RNFT2: variants seen among roughly 807,000 people sequenced by gnomAD.
The protein encoded by RNFT2 is E3 ubiquitin-protein ligase RNFT2.
A neutral mutation model predicts 53.0 loss-of-function variants in RNFT2; 36 were observed. That is an observed-to-expected ratio of 0.68 (90% CI 0.52 to 0.90). RNFT2 has a LOEUF of 0.90. Ranked by LOEUF, RNFT2 falls within the 40% of genes least tolerant of loss-of-function variation. The pLI, the probability that RNFT2 is intolerant of heterozygous loss-of-function variation, is 0.00. For missense variants in RNFT2, 514 were observed against 585.6 expected (o/e 0.88, Z 1.26); for synonymous variants, 260 against 253.2 (o/e 1.03, Z -0.26).
rs11377177 is a variant in RNFT2, at chr12:116,753,148, C to CTTTTTTTT, written c.551-823_551-816dup. ...TTTTTTCTTTTTCTTTTTTCTTTTT[C>CTTTTTTTT]TTTTTTTTTTTTTTTTTTTTGAGAC... On this transcript the variant is annotated intron_variant, in intron 4 of 10. Coordinates refer to ENST00000257575, the MANE Select transcript of RNFT2 (RefSeq NM_001382266.1). Among the ~76,000 whole-genome samples, 576 of 93,672 alleles carry CTTTTTTTT rather than the reference C, an allele frequency of 6.1e-3. 2 individuals carry two copies. Among genetic ancestry groups the CTTTTTTTT allele is most frequent in the Middle Eastern group, 0.01 (1 of 100 alleles). 61.5% of individuals were successfully genotyped at this position (93,672 alleles called of 152,430 possible).
intron 3 of RNFT2, among the ~76,000 whole-genome samples, chr12:116,741,410 T>A (rs1178826305): frequency 6.6e-6 from 1 of 152,140 alleles, no homozygotes; most frequent in Non-Finnish European, 1.5e-5. Flanking sequence ...AAACAACAAA[T>A]GTTTATCTCT....
At chr12:116,754,191 T>C in intron 5 of RNFT2, 131 bp downstream of exon 5, 1 of 701,124 alleles carries the variant, frequency 1.4e-6, no homozygotes. Context: ...ATAGCTTAAC[T>C]CCCACATATC....
At chr12:116,804,180 C>A (rs1874937751) in intron 7 of RNFT2, among the ~76,000 whole-genome samples, 1 of 152,164 alleles carries the variant, frequency 6.6e-6, no homozygotes, top group Non-Finnish European at 1.5e-5. Context: ...TACATACATC[C>A]TTTTGCAACT....
At chr12:116,793,646 T>C (rs1038982143) in intron 7 of RNFT2, among the ~76,000 whole-genome samples, 1 of 152,150 alleles carries the variant, frequency 6.6e-6, no homozygotes, top group Non-Finnish European at 1.5e-5. Flanking sequence ...GCCTTCCTTC[T>C]CAGGCTTTTG....
At chr12:116,835,399 A>C (rs1395033407) in intron 8 of RNFT2, among the ~76,000 whole-genome samples, 1 of 152,190 alleles carries the variant, frequency 6.6e-6, no homozygotes, top group East Asian at 1.9e-4. Context: ...TTTTCTTTTC[A>C]TCATTAGTAC....
rs1222696913 is a variant in RNFT2 at position 116,795,744 on chromosome 12, ACT to A, written c.882+16401_882+16402del. 8.5e-5 allele frequency among the ~76,000 whole-genome samples: 13 copies of A among 152,142 alleles called. No individual in the cohort carries two copies. The South Asian group carries it at 1.5e-3, about 17-fold the overall frequency. The stretch of plus-strand genomic sequence containing the variant: ...CATAAAAGCGGGCCCTTCCCTAAGA[ACT>A]CTCTACAAGTCCCCTGTTCAGGGAG... On this transcript the variant is annotated intron_variant, in intron 7 of 10. Coordinates refer to ENST00000257575, the MANE Select transcript of RNFT2 (RefSeq NM_001382266.1).
rs149162248 is a variant in RNFT2 at position 116,852,331 on chromosome 12, G to A, written c.*2883G>A. 532 of 1,257,808 alleles carry A rather than the reference G, an allele frequency of 4.2e-4. 1 individual carries two copies. The African/African-American group carries it at 6.9e-3, about 16-fold the overall frequency. 77.9% of individuals were successfully genotyped at this position (1,257,808 alleles called of 1,614,324 possible). ...TAACATGTCCCCTTCCCCCTGCCCC[G>A]CCGTAGATTCAGGACATTTGCCCCT... On this transcript the variant is annotated 3_prime_UTR_variant, in exon 11 of 11. Coordinates refer to ENST00000257575, the MANE Select transcript of RNFT2 (RefSeq NM_001382266.1).
At position 116,824,515 on chromosome 12, in the gene RNFT2, C is replaced by T. The variant is rs1421087818; in HGVS notation, c.883-9277C>T. 3.3e-5 allele frequency among the ~76,000 whole-genome samples: 5 copies of T among 152,202 alleles called. No homozygotes were observed. In the East Asian group the frequency reaches 5.8e-4, roughly 18 times the overall value. On this transcript the variant is annotated intron_variant, in intron 7 of 10. Coordinates refer to ENST00000257575, the MANE Select transcript of RNFT2 (RefSeq NM_001382266.1). The stretch of plus-strand genomic sequence containing the variant: ...TGACACCTTCCAGCCCACTGCTTCA[C>T]CAGCTCTAGGGTGTGGGATTCCCCC...
chr12:116,808,277 A>G (rs1875183209), intron 7 of RNFT2, among the ~76,000 whole-genome samples: 1 of 151,790 alleles, frequency 6.6e-6, no homozygotes, highest in Non-Finnish European at 1.5e-5. Context: ...TTTTATAGCA[A>G]CGGGGTCTTG....
At chr12:116,820,522 G>T (rs1233542525) in intron 7 of RNFT2, among the ~76,000 whole-genome samples, 1 of 152,182 alleles carries the variant, frequency 6.6e-6, no homozygotes, top group East Asian at 1.9e-4. Flanking sequence ...AAGTTCCTGT[G>T]TCCTCACTTC....
At chr12:116,784,815 T>C (rs559660115) in intron 7 of RNFT2, among the ~76,000 whole-genome samples, 1 of 152,324 alleles carries the variant, frequency 6.6e-6, no homozygotes, top group Admixed American at 6.5e-5. Flanking sequence ...CTCGCCACCA[T>C]GAGACCAAAG....
At chr12:116,836,523 G>T (rs111902006) in intron 10 of RNFT2, among the ~76,000 whole-genome samples, 22 of 152,128 alleles carry the variant, frequency 1.4e-4, no homozygotes, top group Non-Finnish European at 1.5e-5. Flanking sequence ...GCCAAATTCC[G>T]TATGGTGTAA....
intron 7 of RNFT2, among the ~76,000 whole-genome samples, chr12:116,813,752 T>G (rs1205011546): frequency 3.9e-5 from 6 of 152,230 alleles, no homozygotes; most frequent in African/African-American, 1.2e-4. Context: ...TATTTCTCCC[T>G]TCACTATATT....
At chr12:116,762,956 C>T (rs1265354286) in intron 5 of RNFT2, among the ~76,000 whole-genome samples, 1 of 152,056 alleles carries the variant, frequency 6.6e-6, no homozygotes, top group African/African-American at 2.4e-5. Context: ...GGGGCATGTG[C>T]CTGTCATCCT....
chr12:116,740,968 T>C (rs1264041554), intron 2 of RNFT2, 68 bp from the exon 3 acceptor site: 1 of 1,402,210 alleles, frequency 7.1e-7, no homozygotes, highest in African/African-American at 1.4e-5. Context: ...AGTTTACAAT[T>C]ACCTTGGCAA....
intron 5 of RNFT2, among the ~76,000 whole-genome samples, chr12:116,763,745 C>A (rs1478216910): frequency 6.6e-6 from 1 of 150,522 alleles, no homozygotes; most frequent in Non-Finnish European, 1.5e-5. Context: ...CGCCACTGCA[C>A]TCCAGCCTGG....
At chr12:116,801,884 C>CG (rs1174948752) in intron 7 of RNFT2, among the ~76,000 whole-genome samples, 7 of 151,944 alleles carry the variant, frequency 4.6e-5, no homozygotes, top group African/African-American at 1.5e-4. Context: ...TGCAGTGGTG[C>CG]GATCTTGGCT....
At chr12:116,745,854 T>A (rs1871867991) in intron 3 of RNFT2, among the ~76,000 whole-genome samples, 1 of 152,082 alleles carries the variant, frequency 6.6e-6, no homozygotes, top group Non-Finnish European at 1.5e-5. Flanking sequence ...AAAGATACAG[T>A]GGGGAGCAAG....
In RNFT2 at chr12:116,836,104, A is replaced by G. The variant is rs558801551; in HGVS notation, c.1099-77A>G. Reference sequence around the variant, plus strand: ...ACAGCAGCGACCCCTTCCTCAGCCCACAGATCTCACAGTGCTCCTGAGGGC... The same window carrying G: ...ACAGCAGCGACCCCTTCCTCAGCCCGCAGATCTCACAGTGCTCCTGAGGGC... On this transcript the variant is annotated intron_variant, in intron 9 of 10. Coordinates refer to ENST00000257575, the MANE Select transcript of RNFT2 (RefSeq NM_001382266.1). 6.9e-6 allele frequency: 11 copies of G among 1,596,884 alleles called. No individual in the cohort carries two copies. In the Admixed American group the frequency reaches 8.4e-5, roughly 12 times the overall value.
Sources: gnomAD v4.1 joint callset for allele counts (sites outside exome capture counted in the v4.1 genomes callset) on GRCh38, gnomAD v4.1.1 for gene constraint, MANE v1.5 for transcripts, NCBI Gene and HGNC (gene_info 2026-07-23, HGNC 2026-07-21) for gene names.